Variants in PACSIN2 observed in about 807,000 individuals in gnomAD.
The protein encoded by PACSIN2 is protein kinase C and casein kinase substrate in neurons 2.
PACSIN2 carries 25 observed loss-of-function variants against 63.8 expected under a neutral mutation model. That is an observed-to-expected ratio of 0.39 (90% CI 0.29 to 0.55). The LOEUF is 0.55. Among genes scored for constraint, PACSIN2 ranks in the 20% least tolerant of loss-of-function variants. PACSIN2 has a pLI of 0.62. For missense variants in PACSIN2, 518 were observed against 646.9 expected, an observed-to-expected ratio of 0.80 and a Z score of 2.16; for synonymous variants, 255 against 256.2, an observed-to-expected ratio of 1.00 and a Z score of 0.05.
rs542225642 is a variant in PACSIN2 at position 42,998,826 on chromosome 22, G to A, written c.-78+16195C>T. 1.3e-4 allele frequency among the ~76,000 whole-genome samples: 20 copies of A among 152,202 alleles called. No homozygotes were observed. In the East Asian group the frequency reaches 3.5e-3, roughly 26 times the overall value. ...TGCCCATATAAAACCCCAAACCCCA[G>A]AATCCAGGAGCAGAAGAGTGGCAGA... On this transcript the variant is annotated intron_variant, in intron 1 of 10. Coordinates refer to ENST00000263246, the MANE Select transcript of PACSIN2 (RefSeq NM_001184970.3).
At chr22:42,895,369 C>T (rs747574191) in intron 2 of PACSIN2, among the ~76,000 whole-genome samples, 1 of 152,188 alleles carries the variant, frequency 6.6e-6, no homozygotes, top group African/African-American at 2.4e-5. Flanking sequence ...TGAGGTAACA[C>T]GGCCCTAACT....
chr22:42,934,782 C>T (rs988402847), intron 1 of PACSIN2, among the ~76,000 whole-genome samples: 1 of 152,222 alleles, frequency 6.6e-6, no homozygotes, highest in Admixed American at 6.5e-5. Flanking sequence ...AGACCATACT[C>T]GAGTCACCTG....
chr22:42,965,024 T>C (rs948018149), intron 1 of PACSIN2, among the ~76,000 whole-genome samples: 1 of 152,228 alleles, frequency 6.6e-6, no homozygotes, highest in African/African-American at 2.4e-5. Context: ...CACCTAGGTT[T>C]GTCACACATC....
At chr22:42,950,397 T>G (rs967789384) in intron 1 of PACSIN2, among the ~76,000 whole-genome samples, 9 of 1,258 alleles carry the variant, frequency 7.2e-3, no homozygotes, top group Admixed American at 0.037. Context: ...CATACCAGAT[T>G]AGGCTGAGAG....
chr22:42,886,507 C>A (rs1929498908), intron 5 of PACSIN2, among the ~76,000 whole-genome samples: 1 of 151,986 alleles, frequency 6.6e-6, no homozygotes, highest in South Asian at 2.1e-4. Flanking sequence ...ACTCTGTCAC[C>A]CAGGCTGGAG....
chr22:42,879,576 C>G (rs969054621), intron 7 of PACSIN2, among the ~76,000 whole-genome samples: 5 of 152,222 alleles, frequency 3.3e-5, no homozygotes, highest in Admixed American at 3.3e-4. Flanking sequence ...GTGGCCTCCC[C>G]AGATGTCTGC....
At chr22:42,899,058 C>T (rs1602206841) in intron 2 of PACSIN2, among the ~76,000 whole-genome samples, 1 of 152,150 alleles carries the variant, frequency 6.6e-6, no homozygotes, top group Admixed American at 6.5e-5. Context: ...AGACACAGGA[C>T]CATGCCAAGC....
chr22:42,948,169 G>A (rs374751323), intron 1 of PACSIN2, among the ~76,000 whole-genome samples: 153 of 152,266 alleles, frequency 1.0e-3, no homozygotes, highest in African/African-American at 3.3e-3. Context: ...GCAGGGTCCC[G>A]CTGGTCCTGG....
intron 1 of PACSIN2, among the ~76,000 whole-genome samples, chr22:42,950,946 G>C (rs1294932053): frequency 6.6e-6 from 1 of 152,120 alleles, no homozygotes; most frequent in African/African-American, 2.4e-5. Flanking sequence ...TAAGGGCTGG[G>C]GGAAAGCATG....
intron 1 of PACSIN2, among the ~76,000 whole-genome samples, chr22:42,934,445 C>T (rs1932849689): frequency 6.6e-6 from 1 of 152,256 alleles, no homozygotes; most frequent in Non-Finnish European, 1.5e-5. Flanking sequence ...CCTCCAACTA[C>T]ACTTGCACAC....
chr22:42,873,200 A>G (rs754347757), intron 10 of PACSIN2, among the ~76,000 whole-genome samples: 23 of 152,224 alleles, frequency 1.5e-4, no homozygotes, highest in Non-Finnish European at 3.1e-4. Flanking sequence ...GCTTTTGACA[A>G]TTTACTTGGA....
Sources: gnomAD v4.1 joint callset for allele counts (sites outside exome capture counted in the v4.1 genomes callset) on GRCh38, gnomAD v4.1.1 for gene constraint, MANE v1.5 for transcripts, NCBI Gene and HGNC (gene_info 2026-07-23, HGNC 2026-07-21) for gene names.